FDX2: variants seen among roughly 807,000 people sequenced by gnomAD.
The protein encoded by FDX2 is ferredoxin 2.
A neutral mutation model predicts 18.5 loss-of-function variants in FDX2; 13 were observed. The observed-to-expected ratio is 0.70, with a 90% CI of 0.46 to 1.12. FDX2 has a LOEUF of 1.12. Ranked by LOEUF, FDX2 falls within the 50% of genes most tolerant of loss-of-function variation. The pLI is 0.00. For missense variants in FDX2, 238 were observed against 250.4 expected, an observed-to-expected ratio of 0.95 and a Z score of 0.34; for synonymous variants, 132 against 106.2, an observed-to-expected ratio of 1.24 and a Z score of -1.49.
rs567335364 is a variant in FDX2, at chr19:10,311,088, C to T, written c.317-148G>A. The T allele has an allele frequency of 7.0e-4, 429 of 610,516 alleles. 4 individuals are homozygous for T. The highest frequency in any genetic ancestry group is 3.3e-3 in the East Asian group (118 of 36,026). The allele number at this position is 610,516 out of a possible 1,614,324, so 37.8% of individuals were successfully genotyped here. On this transcript the variant is annotated intron_variant, in intron 3 of 4. Coordinates refer to ENST00000393708, the MANE Select transcript of FDX2 (RefSeq NM_001031734.4). ...GCAGCTCCACTGTGTGTACCAGGCA[C>T]TGTGTCATGTCCTCAATGTCCTCAG...
At chr19:10,313,378 T>G (rs1165158301) in intron 3 of FDX2, among the ~76,000 whole-genome samples, 5 of 152,118 alleles carry the variant, frequency 3.3e-5, no homozygotes, top group Non-Finnish European at 5.9e-5. Context: ...GTGGGATTAT[T>G]GTCCCTATTA....
rs2040313967 is a variant in FDX2 at position 10,310,653 on chromosome 19, G to A, written c.405-11C>T. On this transcript the variant is annotated splice_polypyrimidine_tract_variant and intron_variant, in intron 4 of 4. Coordinates refer to ENST00000393708, the MANE Select transcript of FDX2 (RefSeq NM_001031734.4). ...AGCATGTCGTCTTCCCTAGGGTGGT[G>A]ACACGGGCAGTGTTAGCCGAGGGCA... 6.9e-7 allele frequency: 1 copy of A among 1,454,842 alleles called. No individual in the cohort carries two copies. The highest frequency in any genetic ancestry group is 9.2e-7 in the Non-Finnish European group (1 of 1,083,194). The allele number at this position is 1,454,842 out of a possible 1,614,324, so 90.1% of individuals were successfully genotyped here. A position where few individuals can be genotyped will look rare whatever the true frequency, so the allele number is the denominator to read the frequency against.
intron 3 of FDX2, among the ~76,000 whole-genome samples, chr19:10,314,973 C>T (rs1182675863): frequency 3.9e-5 from 6 of 152,014 alleles, no homozygotes; most frequent in South Asian, 4.2e-4. Flanking sequence ...TGGTGGTGGG[C>T]GCCTGTAATC....
In FDX2 at chr19:10,315,318, G is replaced by GTTTTT. The variant is rs374084891; in HGVS notation, c.316+67_316+68insAAAAA. 300 of 428,450 alleles carry GTTTTT rather than the reference G, an allele frequency of 7.0e-4. 52 individuals carry two copies. The highest frequency in any genetic ancestry group is 1.5e-3 in the South Asian group (45 of 29,922). The allele number at this position is 428,450 out of a possible 1,614,324, so 26.5% of individuals were successfully genotyped here. ...CGTGAAGAGACACACCTAATTTGTG[G>GTTTTT]GTTTTTTTTTTTTTTTTTTTGGACA... On this transcript the variant is annotated intron_variant, in intron 3 of 4. Transcript: ENST00000393708.
Position 10,310,331 on chromosome 19 carries a change from A to C in FDX2, c.*155T>G, listed in dbSNP as rs2040309842. The C allele has an allele frequency of 1.8e-6, 2 of 1,083,394 alleles. No individual in the cohort carries two copies. Among genetic ancestry groups the C allele is most frequent in the Non-Finnish European group, 2.6e-6 (2 of 760,536 alleles). The allele number at this position is 1,083,394 out of a possible 1,614,324, so 67.1% of individuals were successfully genotyped here. On this transcript the variant is annotated 3_prime_UTR_variant, in exon 5 of 5. Transcript: ENST00000393708. ...GGGCCCTGTCCCCACCAGAGCCTGG[A>C]CATGGGACTCTCTCCCAAGCAGGGG...
At chr19:10,315,812 C>A in intron 1 of FDX2, 40 bp downstream of exon 1, 2 of 1,600,328 alleles carry the variant, frequency 1.2e-6, no homozygotes, top group Non-Finnish European at 1.7e-6. Flanking sequence ...CCGCCGGCAT[C>A]TGACGGATTA....
chr19:10,315,829 C>T (rs754402749), intron 1 of FDX2, 23 bp downstream of exon 1: 2 of 1,597,954 alleles, frequency 1.3e-6, no homozygotes, highest in African/African-American at 2.7e-5. Context: ...ATTAACGCTG[C>T]CCGCCCCGGG....
chr19:10,310,834 ACAGGGCTGACC>A lies in FDX2; in HGVS notation c.404+8_404+18del. On this transcript the variant is annotated splice_region_variant and intron_variant, in intron 4 of 4. Coordinates refer to ENST00000393708, the MANE Select transcript of FDX2 (RefSeq NM_001031734.4). ...GCTCCAGGGTGAAGCTGCCAGCTAG[ACAGGGCTGACC>A]CACTCACCTCTCCTCGGGAGGAGGC... The A allele has an allele frequency of 6.2e-7, 1 of 1,611,404 alleles. No individual in the cohort carries two copies. Among genetic ancestry groups the A allele is most frequent in the Non-Finnish European group, 8.5e-7 (1 of 1,178,234 alleles).
At position 10,315,375 on chromosome 19, in the gene FDX2, C is replaced by T. The variant is rs746206998; in HGVS notation, c.316+11G>A. On this transcript the variant is annotated intron_variant, in intron 3 of 4. Transcript: ENST00000393708. ...TAAGGACCTCCTTAATTCCCTCTGCCCGGTTCCTACCTTCCAGGTCCACCC... is the reference window on the plus strand; with the variant it reads ...TAAGGACCTCCTTAATTCCCTCTGCTCGGTTCCTACCTTCCAGGTCCACCC... The T allele has an allele frequency of 1.3e-6, 2 of 1,596,084 alleles. No homozygotes were observed. The highest frequency in any genetic ancestry group is 1.1e-5 in the South Asian group (1 of 90,508).
rs771512573 is a variant in FDX2 at position 10,310,650 on chromosome 19, G to A, written c.405-8C>T. On this transcript the variant is annotated splice_polypyrimidine_tract_variant and splice_region_variant and intron_variant, in intron 4 of 4. Transcript: ENST00000393708. The stretch of plus-strand genomic sequence containing the variant: ...TCTAGCATGTCGTCTTCCCTAGGGT[G>A]GTGACACGGGCAGTGTTAGCCGAGG... 4 of 1,613,214 alleles carry A rather than the reference G, an allele frequency of 2.5e-6. No individual in the cohort carries two copies. The highest frequency in any genetic ancestry group is 3.4e-6 in the Non-Finnish European group (4 of 1,179,816).
rs867055836 is a variant in FDX2, at chr19:10,315,384, A to C, written c.316+2T>G. 1 of 1,589,762 alleles carries C rather than the reference A, an allele frequency of 6.3e-7. No individual in the cohort carries two copies. The highest frequency in any genetic ancestry group is 8.5e-7 in the Non-Finnish European group (1 of 1,173,836). On this transcript the variant is annotated splice_donor_variant, in intron 3 of 4. Transcript: ENST00000393708. LOFTEE classifies it high-confidence loss of function. ...CCTTAATTCCCTCTGCCCGGTTCCT[A>C]CCTTCCAGGTCCACCCCGTGGCGCT... is the stretch of plus-strand genomic sequence containing the variant.
chr19:10,310,940 C>A lies in FDX2; in HGVS notation c.317G>T (p.Gly106Val). Residue 106 changes from glycine (G) to valine (V), a missense_variant and splice_region_variant, in exon 4 of 5, where the codon GGG becomes GTG. Transcript: ENST00000393708. ...GCAGGCCAGGGAGGCTTCACAGGCC[C>A]CTAGGGGTGGGAAGTGAAGGGGGCG... 6.2e-7 allele frequency: 1 copy of A among 1,609,878 alleles called. No individual in the cohort carries two copies. The highest frequency in any genetic ancestry group is 2.2e-5 in the East Asian group (1 of 44,854).
At chr19:10,315,557 G>A (rs553185637) in intron 2 of FDX2, 65 bp from the exon 3 acceptor site, 2 of 1,569,042 alleles carry the variant, frequency 1.3e-6, no homozygotes, top group Admixed American at 1.8e-5. Context: ...GTAGAATCTA[G>A]GGTTAGGAAG....
Position 10,315,384 on chromosome 19 carries a change from A to T in FDX2, c.316+2T>A, listed in dbSNP as rs867055836. ...CCTTAATTCCCTCTGCCCGGTTCCT[A>T]CCTTCCAGGTCCACCCCGTGGCGCT... On this transcript the variant is annotated splice_donor_variant, in intron 3 of 4. Transcript: ENST00000393708. LOFTEE classifies it high-confidence loss of function. 1 of 1,589,762 alleles carries T rather than the reference A, an allele frequency of 6.3e-7. No individual in the cohort carries two copies. The highest frequency in any genetic ancestry group is 8.5e-7 in the Non-Finnish European group (1 of 1,173,836).
chr19:10,315,679 TG>T, intron 2 of FDX2, 25 bp downstream of exon 2: 1 of 1,545,106 alleles, frequency 6.5e-7, no homozygotes, highest in Admixed American at 2.0e-5. Context: ...GGATGAGGAA[TG>T]GGGGACTTGG....
chr19:10,315,324 T>A, intron 3 of FDX2, 62 bp downstream of exon 3: 2 of 979,278 alleles, frequency 2.0e-6, no homozygotes, highest in Non-Finnish European at 2.9e-6. Context: ...TGTGGGTTTT[T>A]TTTTTTTTTT....
At chr19:10,315,017 C>G (rs1047112938) in intron 3 of FDX2, among the ~76,000 whole-genome samples, 6 of 152,140 alleles carry the variant, frequency 3.9e-5, no homozygotes, top group African/African-American at 1.4e-4. Flanking sequence ...AGGAGAAACG[C>G]TTGAACCCGG....
rs534965908 is a variant in FDX2, at chr19:10,310,236, C to T, written c.*250G>A. 1.3e-4 allele frequency: 69 copies of T among 547,822 alleles called. No homozygotes were observed. Among genetic ancestry groups the T allele is most frequent in the Non-Finnish European group, 2.2e-4 (66 of 306,826 alleles). The allele number at this position is 547,822 out of a possible 1,614,324, so 33.9% of individuals were successfully genotyped here. On this transcript the variant is annotated 3_prime_UTR_variant, in exon 5 of 5. Coordinates refer to ENST00000393708, the MANE Select transcript of FDX2 (RefSeq NM_001031734.4). ...TGGGGCCTGTGTTATCGATTTATTG[C>T]AGCTCCAATATGAGTCCACTCCTAC...
chr19:10,315,922 G>A lies in FDX2; in HGVS notation c.84C>T (p.Asn28=). 6.2e-7 allele frequency: 1 copy of A among 1,609,610 alleles called. No individual in the cohort carries two copies. Among genetic ancestry groups the A allele is most frequent in the South Asian group, 1.1e-5 (1 of 90,850 alleles). ...CCGACCCGGAAGTGCCCCCAGGTCTGTTCCACCAGGTGCCCCTGGCAGCCT... is the reference window on the plus strand; with the variant it reads ...CCGACCCGGAAGTGCCCCCAGGTCTATTCCACCAGGTGCCCCTGGCAGCCT... The change falls in exon 1 of 5, where the codon AAC becomes AAT. Residue 28 remains asparagine, a synonymous_variant. Transcript: ENST00000393708.
Sources: gnomAD v4.1 joint callset for allele counts (sites outside exome capture counted in the v4.1 genomes callset) on GRCh38, gnomAD v4.1.1 for gene constraint, MANE v1.5 for transcripts, NCBI Gene and HGNC (gene_info 2026-07-23, HGNC 2026-07-21) for gene names.